Variants in VPS13C observed in about 807,000 individuals in gnomAD.
VPS13C encodes the protein intermembrane lipid transfer protein VPS13C.
A neutral mutation model predicts 456.8 loss-of-function variants in VPS13C; 358 were observed. The observed-to-expected ratio is 0.78, with a 90% CI of 0.72 to 0.86. The LOEUF (loss-of-function observed/expected upper bound fraction) is 0.86, where lower values mean the gene tolerates loss of function less well. Among genes scored for constraint, VPS13C ranks in the 40% least tolerant of loss-of-function variants. The probability of loss-of-function intolerance (pLI) is 0.00; values close to 1 mark genes in which losing one functional copy is unlikely to be tolerated. For missense variants in VPS13C, 4,818 were observed against 4,385.4 expected (o/e 1.10, Z -2.79); for synonymous variants, 1,578 against 1,486.7 (o/e 1.06, Z -1.41).
intron 81 of VPS13C, chr15:61,865,777 T>G (rs913907455): frequency 4.1e-6 from 3 of 739,676 alleles, no homozygotes; most frequent in Admixed American, 8.4e-5. Flanking sequence ...TGTGTATATA[T>G]GTATGTGTAT....
intron 3 of VPS13C, among the ~76,000 whole-genome samples, chr15:62,037,652 T>C (rs759875423): frequency 2.8e-4 from 42 of 150,892 alleles, no homozygotes; most frequent in Non-Finnish European, 4.3e-4. Flanking sequence ...CATCCTTGCA[T>C]CTCCCATAGC....
rs747167117 is a variant in VPS13C at position 61,920,318 on chromosome 15, C to A, written c.7226G>T (p.Gly2409Val). The A allele has an allele frequency of 1.3e-6, 2 of 1,596,164 alleles. No homozygotes were observed. The highest frequency in any genetic ancestry group is 1.7e-6 in the Non-Finnish European group (2 of 1,168,442). ...AGAGTAGTCAAAAGTAGAAGCAGTG[C>A]CCTCTGAAAAACCCTGAAAAGGAAC... is the stretch of plus-strand genomic sequence containing the variant. ...FNNLAKGFSE[G>V]TASTFDYSLK... Residue 2409 changes from glycine to valine, a missense_variant, in exon 57 of 85, where the codon GGC (glycine) becomes GTC (valine). Physicochemically the swap from Gly to Val is moderately radical, Grantham distance 109. This residue lies in a region of VPS13C where 4,552 missense variants were observed against 4,130.6 expected (regional missense o/e 1.10). Transcript: ENST00000644861.
rs949763603 is a variant in VPS13C, at chr15:61,997,312, T to C, written c.1353+3252A>G. On this transcript the variant is annotated intron_variant, in intron 16 of 84. Transcript: ENST00000644861. ...GGTCACCTTTGCTGGTTCTTTCCCA[T>C]CCCTCTGATTGTAACAATAGAAGCT... 4.6e-5 allele frequency among the ~76,000 whole-genome samples: 7 copies of C among 152,124 alleles called. No individual in the cohort carries two copies. The East Asian group carries it at 7.7e-4, about 17-fold the overall frequency.
In VPS13C at chr15:61,945,866, C is replaced by T; in HGVS notation, c.4997G>A (p.Gly1666Glu). Residue 1666 changes from glycine (G) to glutamate (E), a missense_variant, in exon 45 of 85, where the codon GGA (glycine) becomes GAA (glutamate). By Grantham distance (98) the Gly-to-Glu change is moderately conservative. Around this residue, in one of 3 missense-constraint regions of VPS13C, gnomAD observed 4,552 missense variants for 4,130.6 expected, o/e 1.10. Coordinates refer to ENST00000644861, the MANE Select transcript of VPS13C (RefSeq NM_020821.3). ...CAGTTGGAACCTAAAGACTTCATCT[C>T]CCAAAATAGAGACAGCCTAAAAGTA... The part of the protein sequence containing the change: ...SIHKKAVSIL[G>E]DEVFRFQLTL... The T allele has an allele frequency of 6.2e-7, 1 of 1,607,910 alleles. No homozygotes were observed. Among genetic ancestry groups the T allele is most frequent in the Non-Finnish European group, 8.5e-7 (1 of 1,178,388 alleles).
intron 67 of VPS13C, 146 bp from the exon 68 acceptor site, chr15:61,884,415 T>G (rs1896113878): frequency 1.2e-6 from 1 of 832,142 alleles, no homozygotes. Flanking sequence ...ACTATACCTG[T>G]GTTGCAAGAG....
intron 27 of VPS13C, among the ~76,000 whole-genome samples, chr15:61,971,299 T>A (rs2045545360): frequency 6.6e-6 from 1 of 152,206 alleles, no homozygotes; most frequent in Admixed American, 6.5e-5. Context: ...TCTTGCTCTG[T>A]CACCTAGGCT....
chr15:62,001,965 G>T (rs890236925), intron 15 of VPS13C, among the ~76,000 whole-genome samples: 10 of 152,134 alleles, frequency 6.6e-5, no homozygotes, highest in East Asian at 1.9e-4. Context: ...TGTGAATAAT[G>T]CCGCAATAAA....
At chr15:61,937,323 G>C (rs1028339266) in intron 47 of VPS13C, among the ~76,000 whole-genome samples, 1 of 152,120 alleles carries the variant, frequency 6.6e-6, no homozygotes. Context: ...CAAAAAATAG[G>C]AAGGTAGCAT....
At chr15:61,864,221 A>G in intron 81 of VPS13C, 1 of 633,426 alleles carries the variant, frequency 1.6e-6, no homozygotes, top group Non-Finnish European at 2.0e-6. Flanking sequence ...GACAATATTA[A>G]TATGAACAAT....
chr15:61,891,252 G>A (rs577876583), intron 66 of VPS13C, among the ~76,000 whole-genome samples: 1 of 152,046 alleles, frequency 6.6e-6, no homozygotes, highest in Admixed American at 6.5e-5. Flanking sequence ...AATGAAAATA[G>A]AACAGTTCAT....
intron 48 of VPS13C, among the ~76,000 whole-genome samples, chr15:61,935,196 C>G (rs17238210): frequency 0.067 from 10,198 of 152,198 alleles, 567 homozygotes; most frequent in East Asian, 0.21. Context: ...AATGAGACTT[C>G]AGGAAGTAAG....
intron 1 of VPS13C, among the ~76,000 whole-genome samples, chr15:62,048,308 G>A (rs1247678563): frequency 2.4e-5 from 3 of 123,966 alleles, no homozygotes; most frequent in African/African-American, 9.3e-5. Flanking sequence ...CTGTGTCCAT[G>A]TGTTCTCATT....
chr15:61,974,385 T>C lies in VPS13C; in HGVS notation c.2441A>G (p.His814Arg). 3.1e-6 allele frequency: 5 copies of C among 1,612,634 alleles called. No individual in the cohort carries two copies. Among genetic ancestry groups the C allele is most frequent in the Non-Finnish European group, 4.2e-6 (5 of 1,179,012 alleles). ...FKVSGGLPLM[H>R]VRISDQKMKD... Reference sequence around the variant, plus strand: ...CATCTTCTGGTCAGAAATTCTCACATGCATCAAAGGAAGTCCTCCTGACAC... The same window carrying C: ...CATCTTCTGGTCAGAAATTCTCACACGCATCAAAGGAAGTCCTCCTGACAC... The change falls in exon 25 of 85, where the codon CAT becomes CGT. Residue 814 changes from histidine to arginine, a missense_variant. Around this residue, in one of 3 missense-constraint regions of VPS13C, gnomAD observed 4,552 missense variants for 4,130.6 expected, o/e 1.10. Transcript: ENST00000644861.
At chr15:62,019,503 G>A (rs1474853126) in intron 9 of VPS13C, among the ~76,000 whole-genome samples, 1 of 151,926 alleles carries the variant, frequency 6.6e-6, no homozygotes, top group African/African-American at 2.4e-5. Flanking sequence ...TGTTCTCGTT[G>A]GTTTCAAAGA....
In VPS13C at chr15:61,867,270, A is replaced by C; in HGVS notation, c.10863+1389T>G. 1 of 984,478 alleles carries C rather than the reference A, an allele frequency of 1.0e-6. No homozygotes were observed. Among genetic ancestry groups the C allele is most frequent in the African/African-American group, 1.7e-5 (1 of 57,340 alleles). 61.0% of individuals were successfully genotyped at this position (984,478 alleles called of 1,614,324 possible). On this transcript the variant is annotated intron_variant, in intron 81 of 84. Transcript: ENST00000644861. The surrounding 1 kb of genome is among the most constrained non-coding windows in gnomAD (Gnocchi z 5.0). ...GAAAAGCAGAAATGCTAAAGGCTGA[A>C]AATGTATATAACATAATTATAAAAT...
In VPS13C at chr15:61,881,846, G is replaced by T. The variant is rs375453056; in HGVS notation, c.9625-18C>A. 1.3e-6 allele frequency: 2 copies of T among 1,569,322 alleles called. No individual in the cohort carries two copies. The highest frequency in any genetic ancestry group is 1.2e-5 in the South Asian group (1 of 83,466). On this transcript the variant is annotated intron_variant, in intron 69 of 84. Transcript: ENST00000644861. The stretch of plus-strand genomic sequence containing the variant: ...TTATCAACCTGAAAGAAAAGAAAAC[G>T]AACTTATCAAGATTTCAAATAATTT...
intron 12 of VPS13C, 136 bp downstream of exon 12, chr15:62,011,971 C>A (rs2047055965): frequency 7.3e-6 from 4 of 550,384 alleles, no homozygotes; most frequent in Non-Finnish European, 1.3e-5. Flanking sequence ...ATAACCCAAA[C>A]ATGTTGTATC....
In VPS13C at chr15:61,973,473, C is replaced by G; in HGVS notation, c.2598G>C (p.Leu866Phe). 1 of 1,612,014 alleles carries G rather than the reference C, an allele frequency of 6.2e-7. No homozygotes were observed. The highest frequency in any genetic ancestry group is 8.5e-7 in the Non-Finnish European group (1 of 1,178,482). ...GTKGLLGTSL[L>F]LDTVESESDD... is the part of the protein sequence containing the mutation. ...CCTTACCTGATTCCACAGTGTCTAG[C>G]AATAGTGAAGTACCAAGTAGACCTT... The change falls in exon 26 of 85, where the codon TTG becomes TTC. Residue 866 changes from leucine to phenylalanine, a missense_variant. Physicochemically the swap from Leu to Phe is conservative, Grantham distance 22. Around this residue, in one of 3 missense-constraint regions of VPS13C, gnomAD observed 4,552 missense variants for 4,130.6 expected, o/e 1.10. Coordinates refer to ENST00000644861, the MANE Select transcript of VPS13C (RefSeq NM_020821.3).
chr15:61,880,895 G>A lies in VPS13C; in HGVS notation c.9836C>T (p.Ala3279Val), dbSNP rs1331173201. Residue 3279 changes from alanine (A) to valine (V), a missense_variant, in exon 72 of 85, where the codon GCT becomes GTT. Coordinates refer to ENST00000644861, the MANE Select transcript of VPS13C (RefSeq NM_020821.3). The part of the protein sequence containing the change: ...ALKIDQGFLG[A>V]IIALFTPTTD... ...TGTTGGGGTAAACAGTGCAATAATAGCTCCTAGAAACCCTTGATCAATTTT... is the reference window on the plus strand; with the variant it reads ...TGTTGGGGTAAACAGTGCAATAATAACTCCTAGAAACCCTTGATCAATTTT... The A allele has an allele frequency of 1.2e-6, 2 of 1,610,376 alleles. No homozygotes were observed. The highest frequency in any genetic ancestry group is 1.7e-6 in the Non-Finnish European group (2 of 1,178,424).
Sources: gnomAD v4.1 joint callset for allele counts (sites outside exome capture counted in the v4.1 genomes callset) on GRCh38, gnomAD v4.1.1 for gene constraint, gnomAD v4.1.1 regional missense constraint, Gnocchi (gnomAD v3.1) non-coding constraint, MANE v1.5 for transcripts, NCBI Gene and HGNC (gene_info 2026-07-23, HGNC 2026-07-21) for gene names.